SUGCT: variants seen among roughly 807,000 people sequenced by gnomAD.
SUGCT encodes succinyl-CoA:glutarate-CoA transferase.
In SUGCT, 41 loss-of-function variants were observed where a neutral mutation model predicts 55.0. The ratio of observed to expected loss-of-function variants is 0.74; its 90% CI spans 0.58 to 0.97. SUGCT has a LOEUF of 0.97. SUGCT is among the 50% of genes least tolerant of loss of function. SUGCT has a pLI of 0.00. For synonymous variants in SUGCT, 187 were observed against 200.4 expected (o/e 0.93, Z 0.56); for missense variants, 568 against 547.8 (o/e 1.04, Z -0.37).
At chr7:40,167,562 C>T (rs960260267) in intron 1 of SUGCT, among the ~76,000 whole-genome samples, 2 of 152,102 alleles carry the variant, frequency 1.3e-5, no homozygotes, top group Admixed American at 6.5e-5. Context: ...CTTGACCTCA[C>T]GGATTCCAAG....
At chr7:40,797,773 G>C (rs1790620272) in intron 13 of SUGCT, among the ~76,000 whole-genome samples, 1 of 152,186 alleles carries the variant, frequency 6.6e-6, no homozygotes, top group African/African-American at 2.4e-5. Flanking sequence ...CAAGTTGTAG[G>C]TACTTTTAGG....
intron 12 of SUGCT, among the ~76,000 whole-genome samples, chr7:40,639,755 C>T (rs1321240767): frequency 2.0e-5 from 3 of 151,796 alleles, no homozygotes; most frequent in Non-Finnish European, 2.9e-5. Flanking sequence ...TCAGGTGATC[C>T]GCCCACCTCG....
At chr7:40,295,166 T>A (rs1049226980) in intron 8 of SUGCT, among the ~76,000 whole-genome samples, 4 of 152,122 alleles carry the variant, frequency 2.6e-5, no homozygotes, top group African/African-American at 9.7e-5. Flanking sequence ...TAGAAAAAAA[T>A]GCCAAAATGA....
the SUGCT span, among the ~76,000 whole-genome samples, chr7:40,891,057 C>T: frequency 2.6e-5 from 4 of 151,790 alleles, no homozygotes; most frequent in African/African-American, 4.8e-5. Context: ...CAGACTAAAT[C>T]AAGCAAAAGG....
intron 13 of SUGCT, among the ~76,000 whole-genome samples, chr7:40,770,973 A>G (rs1176308883): frequency 6.6e-6 from 1 of 152,206 alleles, no homozygotes; most frequent in African/African-American, 2.4e-5. Flanking sequence ...AAATGTATTT[A>G]TAGTGAATGA....
intron 13 of SUGCT, among the ~76,000 whole-genome samples, chr7:40,824,644 G>C (rs1265688458): frequency 6.6e-6 from 1 of 152,192 alleles, no homozygotes; most frequent in Non-Finnish European, 1.5e-5. Context: ...GAACACCAAA[G>C]AATGAGTAAT....
At chr7:40,407,785 A>G (rs1407016624) in intron 9 of SUGCT, among the ~76,000 whole-genome samples, 1 of 151,968 alleles carries the variant, frequency 6.6e-6, no homozygotes, top group African/African-American at 2.4e-5. Context: ...TTTCATTTAT[A>G]TTTCCTCTAA....
intron 12 of SUGCT, among the ~76,000 whole-genome samples, chr7:40,503,210 A>T (rs771061497): frequency 8.5e-5 from 13 of 152,152 alleles, no homozygotes; most frequent in Non-Finnish European, 1.5e-4. Context: ...GAATATATGT[A>T]GAGACGTAGT....
At chr7:40,169,839 C>T (rs187697380) in intron 1 of SUGCT, among the ~76,000 whole-genome samples, 154 of 151,906 alleles carry the variant, frequency 1.0e-3, no homozygotes, top group African/African-American at 3.6e-3. Context: ...CTAAGTTTTG[C>T]TCCGGGCCTA....
At chr7:40,948,943 G>T in the SUGCT span, among the ~76,000 whole-genome samples, 2 of 152,316 alleles carry the variant, frequency 1.3e-5, no homozygotes, top group South Asian at 4.2e-4. Context: ...ATAACAGCAT[G>T]ATTTATAATC....
At chr7:40,625,149 A>G (rs1013434201) in intron 12 of SUGCT, among the ~76,000 whole-genome samples, 1 of 151,998 alleles carries the variant, frequency 6.6e-6, no homozygotes, top group African/African-American at 2.4e-5. Flanking sequence ...ACCTATTCTC[A>G]TGGGTAGTTC....
chr7:40,694,438 G>A lies in SUGCT; in HGVS notation c.1090-54996G>A, dbSNP rs148881792. On this transcript the variant is annotated intron_variant, in intron 12 of 13. Transcript: ENST00000335693. The stretch of plus-strand genomic sequence containing the variant: ...TGGCCCTTAGCTTCTTTGCATCTCA[G>A]AATCAGCTTGGAATAAGCTTTATTC... Among the ~76,000 whole-genome samples, 350 of 152,300 alleles carry A rather than the reference G, an allele frequency of 2.3e-3. 1 individual carries two copies. The highest frequency in any genetic ancestry group is 7.7e-3 in the African/African-American group (322 of 41,560).
intron 13 of SUGCT, among the ~76,000 whole-genome samples, chr7:40,836,556 G>A (rs12538965): frequency 0.25 from 37,758 of 151,994 alleles, 5,694 homozygotes; most frequent in East Asian, 0.8. Context: ...TGTATAGAAC[G>A]ATTCCATCAC....
chr7:40,141,904 G>A (rs749905430), intron 1 of SUGCT: 1 of 347,160 alleles, frequency 2.9e-6, no homozygotes, highest in South Asian at 2.5e-5. Context: ...GGGAGGGGAA[G>A]GGGTTCTTAT....
the SUGCT span, among the ~76,000 whole-genome samples, chr7:40,905,758 C>T: frequency 6.7e-5 from 10 of 149,694 alleles, no homozygotes. Flanking sequence ...CTTTGTTACT[C>T]AGGCTGGAGG....
chr7:40,317,494 A>G (rs1475565566), intron 9 of SUGCT, among the ~76,000 whole-genome samples: 1 of 152,244 alleles, frequency 6.6e-6, no homozygotes, highest in Non-Finnish European at 1.5e-5. Context: ...TGTTGTATTT[A>G]TTAATGTATC....
intron 12 of SUGCT, among the ~76,000 whole-genome samples, chr7:40,548,110 G>A (rs1292166800): frequency 4.6e-5 from 7 of 150,550 alleles, no homozygotes; most frequent in Non-Finnish European, 7.4e-5. Context: ...ATACTGTTTC[G>A]CATTCTTTAC....
the SUGCT span, among the ~76,000 whole-genome samples, chr7:40,989,382 A>G: frequency 6.6e-6 from 1 of 152,180 alleles, no homozygotes; most frequent in East Asian, 1.9e-4. Flanking sequence ...GTAATTTTCT[A>G]AATTTGTCTT....
chr7:40,998,909 G>A, the SUGCT span, among the ~76,000 whole-genome samples: 1 of 152,154 alleles, frequency 6.6e-6, no homozygotes. Flanking sequence ...CAGAAAATGT[G>A]TTGAAAAGAG....
Sources: gnomAD v4.1 joint callset for allele counts (sites outside exome capture counted in the v4.1 genomes callset) on GRCh38, gnomAD v4.1.1 for gene constraint, MANE v1.5 for transcripts, NCBI Gene and HGNC (gene_info 2026-07-23, HGNC 2026-07-21) for gene names.